Variants in CHST9 observed in about 807,000 individuals in gnomAD.
CHST9 encodes carbohydrate sulfotransferase 9.
A neutral mutation model predicts 44.4 loss-of-function variants in CHST9; 41 were observed. The ratio of observed to expected loss-of-function variants is 0.92; its 90% confidence interval spans 0.72 to 1.20. CHST9 has a LOEUF of 1.20. Ranked by LOEUF, CHST9 falls within the 50% of genes most tolerant of loss-of-function variation. The probability of loss-of-function intolerance (pLI) is 0.00; values close to 1 mark genes in which losing one functional copy is unlikely to be tolerated. For missense variants in CHST9, 504 were observed against 516.5 expected (o/e 0.98, Z 0.23); for synonymous variants, 171 against 178.4 (o/e 0.96, Z 0.33).
chr18:27,120,335 A>G (rs2058364164), intron 2 of CHST9, among the ~76,000 whole-genome samples: 1 of 152,222 alleles, frequency 6.6e-6, no homozygotes, highest in Admixed American at 6.5e-5. Flanking sequence ...GAGTTTCCTC[A>G]TAAGGTTACC....
At chr18:27,004,143 A>G (rs1223518614) in intron 4 of CHST9, among the ~76,000 whole-genome samples, 1 of 152,092 alleles carries the variant, frequency 6.6e-6, no homozygotes, top group East Asian at 1.9e-4. Flanking sequence ...GAAGAACACA[A>G]CCAGGCATAA....
At chr18:27,024,412 C>T (rs1225905448) in intron 3 of CHST9, among the ~76,000 whole-genome samples, 2 of 152,108 alleles carry the variant, frequency 1.3e-5, no homozygotes, top group Non-Finnish European at 2.9e-5. Context: ...TGAGCCTGTA[C>T]TCTTTATGGC....
chr18:27,076,617 C>T (rs1598703452), intron 2 of CHST9, among the ~76,000 whole-genome samples: 2 of 152,130 alleles, frequency 1.3e-5, no homozygotes, highest in South Asian at 2.1e-4. Flanking sequence ...AGTGTATACC[C>T]GAATGAGTCC....
rs554291126 is a variant in CHST9 at position 26,994,337 on chromosome 18, A to G, written c.202+29779T>C. Among the ~76,000 whole-genome samples, 31 of 152,308 alleles carry G rather than the reference A, an allele frequency of 2.0e-4. No homozygotes were observed. In the South Asian group the frequency reaches 5.8e-3, roughly 29 times the overall value. ...TCTGAGGGCTAAAGTGACCTAATAC[A>G]TAACAGTTATGATCAGCCAAATGCT... is the stretch of plus-strand genomic sequence containing the variant. On this transcript the variant is annotated intron_variant, in intron 4 of 5. Transcript: ENST00000618847.
chr18:26,943,429 A>C (rs1218885198), intron 5 of CHST9, among the ~76,000 whole-genome samples: 2 of 152,208 alleles, frequency 1.3e-5, no homozygotes, highest in Non-Finnish European at 2.9e-5. Context: ...TTTGGAGTGC[A>C]CTTAGAAGGT....
In CHST9 at chr18:26,935,848, C is replaced by T. The variant is rs540520446; in HGVS notation, c.240+8481G>A. The T allele has an allele frequency of 3.3e-4, 50 of 152,210 alleles. 1 individual carries two copies. The highest frequency in any genetic ancestry group is 2.6e-3 in the Admixed American group (40 of 15,290). 9.4% of individuals were successfully genotyped at this position (152,210 alleles called of 1,614,324 possible). A position where few individuals can be genotyped will look rare whatever the true frequency, so the allele number is the denominator to read the frequency against. On this transcript the variant is annotated intron_variant, in intron 5 of 5. Transcript: ENST00000618847. The stretch of plus-strand genomic sequence containing the variant: ...GTACTCTGAATTTTCACTATTTGTC[C>T]GCATTTCTTCTCCTTCCCGGAAATT...
At chr18:27,139,773 G>A (rs890833956) in intron 2 of CHST9, among the ~76,000 whole-genome samples, 1 of 152,050 alleles carries the variant, frequency 6.6e-6, no homozygotes, top group African/African-American at 2.4e-5. Context: ...TAAAATTTAA[G>A]AGAATAAATG....
chr18:27,025,663 C>T (rs2057277791), intron 3 of CHST9, among the ~76,000 whole-genome samples: 1 of 152,070 alleles, frequency 6.6e-6, no homozygotes, highest in Admixed American at 6.6e-5. Context: ...AGTCATATAG[C>T]TCATCAGTAA....
At chr18:27,164,572 C>G (rs1244839167) in intron 1 of CHST9, among the ~76,000 whole-genome samples, 1 of 152,066 alleles carries the variant, frequency 6.6e-6, no homozygotes. Context: ...AAGAAAATTT[C>G]AGGGAACTGA....
At chr18:27,035,768 T>A (rs2057384626) in intron 3 of CHST9, among the ~76,000 whole-genome samples, 1 of 152,106 alleles carries the variant, frequency 6.6e-6, no homozygotes, top group Non-Finnish European at 1.5e-5. Flanking sequence ...TAGATATAAT[T>A]ATGCAAGATG....
intron 5 of CHST9, among the ~76,000 whole-genome samples, chr18:26,941,425 A>T (rs1420195852): frequency 6.6e-6 from 1 of 152,166 alleles, no homozygotes; most frequent in Non-Finnish European, 1.5e-5. Context: ...GTTTCCAAAA[A>T]TTAAATTAGG....
chr18:26,948,861 G>A (rs1452864249), intron 4 of CHST9, among the ~76,000 whole-genome samples: 2 of 152,184 alleles, frequency 1.3e-5, no homozygotes, highest in African/African-American at 4.8e-5. Flanking sequence ...CTAAGAGGCA[G>A]GTAAGTGTAG....
intron 1 of CHST9, among the ~76,000 whole-genome samples, chr18:27,180,604 A>T (rs1266196365): frequency 6.6e-6 from 1 of 152,104 alleles, no homozygotes; most frequent in East Asian, 1.9e-4. Flanking sequence ...TACCTAACTA[A>T]TCTAACTTTC....
At chr18:27,052,546 A>G (rs1056700564) in intron 2 of CHST9, among the ~76,000 whole-genome samples, 3 of 152,070 alleles carry the variant, frequency 2.0e-5, no homozygotes, top group African/African-American at 7.2e-5. Flanking sequence ...CTTTCCCCCA[A>G]AGAGACAACT....
intron 1 of CHST9, among the ~76,000 whole-genome samples, chr18:27,170,163 C>G (rs1052903686): frequency 6.6e-6 from 1 of 152,192 alleles, no homozygotes; most frequent in Non-Finnish European, 1.5e-5. Flanking sequence ...TTTCCTTATT[C>G]TATTTCCCCT....
chr18:26,976,872 T>C (rs749964697), intron 4 of CHST9, among the ~76,000 whole-genome samples: 10 of 152,240 alleles, frequency 6.6e-5, no homozygotes, highest in Non-Finnish European at 1.0e-4. Flanking sequence ...ATCCATCTCC[T>C]TGCATTCTTC....
At chr18:27,148,085 A>T (rs1264718938) in intron 1 of CHST9, among the ~76,000 whole-genome samples, 1 of 151,864 alleles carries the variant, frequency 6.6e-6, no homozygotes, top group African/African-American at 2.4e-5. Context: ...CTCATCATTG[A>T]GCACCTACTT....
intron 2 of CHST9, among the ~76,000 whole-genome samples, chr18:27,059,952 T>A (rs932348417): frequency 6.6e-6 from 1 of 152,226 alleles, no homozygotes; most frequent in Admixed American, 6.5e-5. Flanking sequence ...TTAATTGCTT[T>A]CAGGCCTTTA....
rs144550013 is a variant in CHST9 at position 27,059,906 on chromosome 18, A to C, written c.122-11403T>G. Among the ~76,000 whole-genome samples, 1,347 of 152,364 alleles carry C rather than the reference A, an allele frequency of 8.8e-3. 21 individuals carry two copies. The highest frequency in any genetic ancestry group is 0.029 in the African/African-American group (1,196 of 41,578). ...CGATATTTCATGGATAGAAGGAAGA[A>C]AACATGAAAAGTATGTTTAGATCAG... On this transcript the variant is annotated intron_variant, in intron 2 of 5. Transcript: ENST00000618847.
Sources: allele counts gnomAD v4.1 joint callset (sites outside exome capture counted in the v4.1 genomes callset), GRCh38; gene constraint gnomAD v4.1.1; transcripts MANE v1.5; gene names NCBI Gene and HGNC (gene_info 2026-07-23, HGNC 2026-07-21).